The following IGSF5 variants were observed in gnomAD, a reference collection of about 807,000 sequenced individuals.
IGSF5 encodes the protein immunoglobulin superfamily 5 like.
IGSF5 carries 41 observed loss-of-function variants against 39.4 expected under a neutral mutation model. That is an observed-to-expected ratio of 1.04 (90% confidence interval 0.81 to 1.35). The LOEUF is 1.35. Ranked by LOEUF, IGSF5 falls within the 40% of genes most tolerant of loss-of-function variation. The pLI, the probability that IGSF5 is intolerant of heterozygous loss-of-function variation, is 0.00. For missense variants in IGSF5, 487 were observed against 494.6 expected, an observed-to-expected ratio of 0.98 and a Z score of 0.15; for synonymous variants, 183 against 175.3, an observed-to-expected ratio of 1.04 and a Z score of -0.34.
At chr21:39,776,036 G>T (rs773827973) in intron 4 of IGSF5, among the ~76,000 whole-genome samples, 2 of 152,066 alleles carry the variant, frequency 1.3e-5, no homozygotes, top group Admixed American at 6.6e-5. Context: ...TTGGATTATG[G>T]ATGACATCAT....
intron 4 of IGSF5, among the ~76,000 whole-genome samples, chr21:39,777,695 C>T (rs2146286201): frequency 6.6e-6 from 1 of 152,290 alleles, no homozygotes; most frequent in East Asian, 1.9e-4. Context: ...TCCTACAGTT[C>T]TGCTCTGGGC....
upstream of IGSF5, among the ~76,000 whole-genome samples, chr21:39,743,578 C>T (rs538592096): frequency 5.5e-5 from 8 of 146,020 alleles, no homozygotes; most frequent in African/African-American, 2.1e-4. Context: ...TGTCTATCTC[C>T]TTTTGGACCA....
At chr21:39,734,439 TACACACAC>T in the IGSF5 span, among the ~76,000 whole-genome samples, 29 of 120,304 alleles carry the variant, frequency 2.4e-4, no homozygotes, top group African/African-American at 8.4e-4. Context: ...AAAAAAAAAA[TACACACAC>T]ACACACACAC....
chr21:39,728,219 G>A, the IGSF5 span, among the ~76,000 whole-genome samples: 1 of 152,270 alleles, frequency 6.6e-6, no homozygotes, highest in South Asian at 2.1e-4. Context: ...GACCTTATTT[G>A]CAAATAGGGT....
At position 39,757,797 on chromosome 21, in the gene IGSF5, G is replaced by A. The variant is rs533145703; in HGVS notation, c.101-7738G>A. Among the ~76,000 whole-genome samples the A allele has an allele frequency of 2.6e-5, 4 of 152,120 alleles. No individual in the cohort carries two copies. In the South Asian group the frequency reaches 8.3e-4, roughly 32 times the overall value. Reference sequence around the variant, plus strand: ...TCGCCATGTTGGCCAGGCTGATCTCGAACTCCTGACCTCAAACGATCCACC... The same window carrying A: ...TCGCCATGTTGGCCAGGCTGATCTCAAACTCCTGACCTCAAACGATCCACC... On this transcript the variant is annotated intron_variant, in intron 2 of 8. Coordinates refer to ENST00000380588, the MANE Select transcript of IGSF5 (RefSeq NM_001080444.2).
At position 39,766,906 on chromosome 21, in the gene IGSF5, A is replaced by G. The variant is rs139965593; in HGVS notation, c.418+1054A>G. ...AGATTTTGTTCATATTTATGTTGCT[A>G]TTAAATCAGATTTGATAGCCTTTGG... On this transcript the variant is annotated intron_variant, in intron 3 of 8. Transcript: ENST00000380588. 1.5e-3 allele frequency among the ~76,000 whole-genome samples: 233 copies of G among 152,276 alleles called. 2 individuals are homozygous for G. The highest frequency in any genetic ancestry group is 5.5e-3 in the African/African-American group (228 of 41,570).
At chr21:39,776,993 C>A in intron 4 of IGSF5, among the ~76,000 whole-genome samples, 1 of 152,192 alleles carries the variant, frequency 6.6e-6, no homozygotes, top group Non-Finnish European at 1.5e-5. Flanking sequence ...ACAGCATTCT[C>A]AGAACTTTCA....
intron 2 of IGSF5, among the ~76,000 whole-genome samples, chr21:39,755,957 A>G (rs1408975852): frequency 2.0e-5 from 3 of 151,216 alleles, no homozygotes; most frequent in South Asian, 2.1e-4. Flanking sequence ...TACAAAAAAA[A>G]TTAGCCAGGC....
At chr21:39,734,819 C>G in the IGSF5 span, among the ~76,000 whole-genome samples, 1 of 152,048 alleles carries the variant, frequency 6.6e-6, no homozygotes, top group African/African-American at 2.4e-5. Context: ...AAAGGTTTCT[C>G]ATACATTAAG....
chr21:39,775,106 C>A (rs2080133174), intron 4 of IGSF5, among the ~76,000 whole-genome samples: 1 of 152,050 alleles, frequency 6.6e-6, no homozygotes, highest in African/African-American at 2.4e-5. Context: ...CCAAGTTACT[C>A]TAATGGGCAG....
chr21:39,765,777 C>T lies in IGSF5; in HGVS notation c.343C>T (p.Pro115Ser), dbSNP rs139329372. Reference protein sequence around the residue: ...TSEMIIHNVEPSDSGNIRCSL... With the variant: ...TSEMIIHNVESSDSGNIRCSL... Reference sequence around the variant, plus strand: ...GGAGATGATCATCCACAATGTGGAGCCCAGTGATTCGGGGAACATCAGATG... The same window carrying T: ...GGAGATGATCATCCACAATGTGGAGTCCAGTGATTCGGGGAACATCAGATG... Residue 115 changes from proline to serine, a missense_variant, in exon 3 of 9, where the codon CCC (proline) becomes TCC (serine). Pro to Ser is a moderately conservative substitution (Grantham distance 74). Coordinates refer to ENST00000380588, the MANE Select transcript of IGSF5 (RefSeq NM_001080444.2). The T allele has an allele frequency of 2.5e-6, 4 of 1,613,964 alleles. No homozygotes were observed. In the African/African-American group the frequency reaches 4.0e-5, roughly 16 times the overall value.
the IGSF5 span, among the ~76,000 whole-genome samples, chr21:39,737,117 T>G: frequency 6.6e-6 from 1 of 152,104 alleles, no homozygotes; most frequent in Non-Finnish European, 1.5e-5. Context: ...ATCTGTCTGC[T>G]TTGTTCACCA....
At chr21:39,727,040 T>A in the IGSF5 span, among the ~76,000 whole-genome samples, 1 of 152,036 alleles carries the variant, frequency 6.6e-6, no homozygotes, top group Non-Finnish European at 1.5e-5. Flanking sequence ...CAACAGCCAG[T>A]GTGGTGCTGA....
At chr21:39,773,597 C>T (rs1009437797) in intron 4 of IGSF5, among the ~76,000 whole-genome samples, 1 of 151,912 alleles carries the variant, frequency 6.6e-6, no homozygotes, top group Non-Finnish European at 1.5e-5. Flanking sequence ...TGGTGTCCCT[C>T]CAAGCTGGTG....
intron 8 of IGSF5, among the ~76,000 whole-genome samples, chr21:39,800,887 CT>C (rs2087024914): frequency 6.6e-6 from 1 of 152,308 alleles, no homozygotes. Flanking sequence ...TTTTGTCCCC[CT>C]GTTCTAGAAA....
intron 8 of IGSF5, among the ~76,000 whole-genome samples, chr21:39,794,955 G>A (rs182186772): frequency 1.4e-4 from 22 of 152,156 alleles, no homozygotes; most frequent in Non-Finnish European, 1.9e-4. Context: ...AGGCCTGTAG[G>A]GGGGAAGGGA....
rs551242379 is a variant in IGSF5, at chr21:39,779,009, C to G, written c.719-81C>G. On this transcript the variant is annotated intron_variant, in intron 4 of 8. Transcript: ENST00000380588. ...GAATAGTTATAATATTACTAGAAAACATAATGCAACTTATAATGGGGCAGA... is the reference window on the plus strand; with the variant it reads ...GAATAGTTATAATATTACTAGAAAAGATAATGCAACTTATAATGGGGCAGA... The G allele has an allele frequency of 2.1e-5, 32 of 1,517,882 alleles. No individual in the cohort carries two copies. The South Asian group carries it at 4.1e-4, about 19-fold the overall frequency. 94.0% of individuals were successfully genotyped at this position (1,517,882 alleles called of 1,614,324 possible).
chr21:39,732,617 C>T, the IGSF5 span, among the ~76,000 whole-genome samples: 14 of 152,238 alleles, frequency 9.2e-5, no homozygotes, highest in African/African-American at 3.1e-4. Flanking sequence ...TGACACAAAA[C>T]GTGGGATTGT....
chr21:39,730,974 G>A, the IGSF5 span, among the ~76,000 whole-genome samples: 1 of 152,134 alleles, frequency 6.6e-6, no homozygotes, highest in Non-Finnish European at 1.5e-5. Flanking sequence ...AAGGCCTCTC[G>A]CCTATCAGCA....
Sources: allele counts gnomAD v4.1 joint callset (sites outside exome capture counted in the v4.1 genomes callset), GRCh38; gene constraint gnomAD v4.1.1; transcripts MANE v1.5; gene names NCBI Gene and HGNC (gene_info 2026-07-23, HGNC 2026-07-21).